PINX1: variants seen among roughly 807,000 people sequenced by gnomAD.
PINX1 encodes PIN2/TERF1-interacting telomerase inhibitor 1.
PINX1 carries 34 observed loss-of-function variants against 25.4 expected under a neutral mutation model. That is an observed-to-expected ratio of 1.34 (90% CI 1.02 to 1.78). The LOEUF is 1.78. Ranked by LOEUF, PINX1 falls within the 40% of genes most tolerant of loss-of-function variation. The pLI is 0.00. For synonymous variants in PINX1, 197 were observed against 147.7 expected, an observed-to-expected ratio of 1.33 and a Z score of -2.42; for missense variants, 592 against 404.9, an observed-to-expected ratio of 1.46 and a Z score of -3.97.
intron 5 of PINX1, among the ~76,000 whole-genome samples, chr8:10,825,079 T>G (rs1336939917): frequency 6.6e-6 from 1 of 152,186 alleles, no homozygotes; most frequent in Non-Finnish European, 1.5e-5. Context: ...AGCCTCTCCC[T>G]GCACACAATC....
chr8:10,827,602 G>C (rs1390140585), intron 4 of PINX1, among the ~76,000 whole-genome samples: 1 of 151,900 alleles, frequency 6.6e-6, no homozygotes, highest in Non-Finnish European at 1.5e-5. Flanking sequence ...CAGATATGAG[G>C]TTAGAGAAAC....
intron 6 of PINX1, among the ~76,000 whole-genome samples, chr8:10,811,634 G>C (rs796981297): frequency 6.6e-6 from 1 of 152,212 alleles, no homozygotes; most frequent in South Asian, 2.1e-4. Context: ...GGGAGAGCTA[G>C]CAAAGCGGGG....
intron 6 of PINX1, among the ~76,000 whole-genome samples, chr8:10,773,215 T>C (rs1801285077): frequency 6.6e-6 from 1 of 152,312 alleles, no homozygotes; most frequent in Admixed American, 6.5e-5. Context: ...ACACACAATA[T>C]ACCTTTATAT....
chr8:10,809,167 G>C (rs185193849), intron 6 of PINX1, among the ~76,000 whole-genome samples: 1 of 152,286 alleles, frequency 6.6e-6, no homozygotes, highest in East Asian at 1.9e-4. Context: ...TAGCCCTGTG[G>C]AGTGACCAAA....
intron 6 of PINX1, among the ~76,000 whole-genome samples, chr8:10,819,791 G>T (rs984734784): frequency 6.6e-6 from 1 of 152,140 alleles, no homozygotes; most frequent in African/African-American, 2.4e-5. Flanking sequence ...AGAGAATGAA[G>T]GTGACATGCT....
chr8:10,767,517 A>G (rs1169443166), intron 6 of PINX1, among the ~76,000 whole-genome samples: 1 of 152,220 alleles, frequency 6.6e-6, no homozygotes, highest in East Asian at 1.9e-4. Context: ...TTACTATTCA[A>G]TTTGTGCTGG....
intron 6 of PINX1, among the ~76,000 whole-genome samples, chr8:10,816,084 T>C (rs1054705950): frequency 1.3e-5 from 2 of 152,134 alleles, no homozygotes; most frequent in Admixed American, 6.6e-5. Flanking sequence ...GGTATGCAAC[T>C]ATGATTGGGG....
intron 6 of PINX1, among the ~76,000 whole-genome samples, chr8:10,774,545 T>G (rs1316890463): frequency 6.6e-6 from 1 of 152,206 alleles, no homozygotes; most frequent in Non-Finnish European, 1.5e-5. Flanking sequence ...CCACCCAAAG[T>G]GCTGGGATTA....
At chr8:10,805,128 G>A (rs1802398973) in intron 6 of PINX1, among the ~76,000 whole-genome samples, 1 of 152,182 alleles carries the variant, frequency 6.6e-6, no homozygotes, top group African/African-American at 2.4e-5. Flanking sequence ...TGTCTCTCCT[G>A]GCAGAACACC....
chr8:10,770,155 G>A (rs1161542496), intron 6 of PINX1, among the ~76,000 whole-genome samples: 1 of 152,192 alleles, frequency 6.6e-6, no homozygotes, highest in African/African-American at 2.4e-5. Flanking sequence ...CAGGCAAGAA[G>A]CCCTCTTGGG....
intron 6 of PINX1, among the ~76,000 whole-genome samples, chr8:10,774,173 T>C (rs1296591526): frequency 1.3e-5 from 2 of 152,164 alleles, no homozygotes; most frequent in Non-Finnish European, 2.9e-5. Flanking sequence ...GAGGTGAAAA[T>C]TGCTGAAGAA....
At chr8:10,766,344 T>A (rs567390556) in intron 6 of PINX1, among the ~76,000 whole-genome samples, 1 of 152,346 alleles carries the variant, frequency 6.6e-6, no homozygotes, top group South Asian at 2.1e-4. Flanking sequence ...ACCGATTTCA[T>A]CTTCATTATG....
intron 5 of PINX1, among the ~76,000 whole-genome samples, chr8:10,821,297 G>C (rs532987954): frequency 6.6e-6 from 1 of 152,182 alleles, no homozygotes; most frequent in Non-Finnish European, 1.5e-5. Flanking sequence ...ACTTAAATAT[G>C]ATATTGCTCA....
intron 5 of PINX1, among the ~76,000 whole-genome samples, chr8:10,820,490 T>C (rs1000143880): frequency 3.3e-5 from 5 of 152,226 alleles, no homozygotes; most frequent in Admixed American, 3.3e-4. Flanking sequence ...ACCAGAACTC[T>C]TGACATTCTC....
intron 5 of PINX1, 78 bp downstream of exon 5, chr8:10,826,074 C>A (rs1366303991): frequency 1.3e-6 from 1 of 741,004 alleles, no homozygotes; most frequent in African/African-American, 1.8e-5. Flanking sequence ...TCGCTATTGG[C>A]CCAGAGCTAA....
At chr8:10,821,412 G>T (rs908771818) in intron 5 of PINX1, among the ~76,000 whole-genome samples, 1 of 152,198 alleles carries the variant, frequency 6.6e-6, no homozygotes, top group Non-Finnish European at 1.5e-5. Context: ...TGGCCCAGGC[G>T]GTATGACCTG....
intron 6 of PINX1, among the ~76,000 whole-genome samples, chr8:10,782,721 G>A (rs1801626093): frequency 6.6e-6 from 1 of 152,118 alleles, no homozygotes; most frequent in Non-Finnish European, 1.5e-5. Context: ...GGGCAACAAA[G>A]TGAGATCTGT....
intron 6 of PINX1, among the ~76,000 whole-genome samples, chr8:10,795,257 C>G (rs1334809130): frequency 6.6e-6 from 1 of 152,224 alleles, no homozygotes; most frequent in Non-Finnish European, 1.5e-5. Flanking sequence ...ATAGCAATGT[C>G]TTTGACCTGG....
intron 6 of PINX1, among the ~76,000 whole-genome samples, chr8:10,777,537 T>C (rs563866698): frequency 1.3e-5 from 2 of 152,054 alleles, no homozygotes; most frequent in Admixed American, 6.6e-5. Flanking sequence ...ACGAAGCTAG[T>C]TGAAGGGGGG....
Sources: gnomAD v4.1 joint callset for allele counts (sites outside exome capture counted in the v4.1 genomes callset) on GRCh38, gnomAD v4.1.1 for gene constraint, MANE v1.5 for transcripts, NCBI Gene and HGNC (gene_info 2026-07-23, HGNC 2026-07-21) for gene names.